The following RAPGEF3 variants were observed in gnomAD, a reference collection of about 807,000 sequenced individuals.
The protein encoded by RAPGEF3 is Rap guanine nucleotide exchange factor 3, also known as 9330170P05Rik.
A neutral mutation model predicts 129.8 loss-of-function variants in RAPGEF3; 103 were observed. The observed-to-expected ratio is 0.79, with a 90% CI of 0.68 to 0.93. RAPGEF3 has a LOEUF of 0.93. Among genes scored for constraint, RAPGEF3 ranks in the 40% least tolerant of loss-of-function variants. The pLI is 0.00. For missense variants in RAPGEF3, 1,117 were observed against 1,207.4 expected, an observed-to-expected ratio of 0.93 and a Z score of 1.11; for synonymous variants, 436 against 482.6, an observed-to-expected ratio of 0.90 and a Z score of 1.26.
In RAPGEF3 at chr12:47,740,329, GA is replaced by G; in HGVS notation, c.2297del (p.Ile766ThrfsTer4). The stretch of plus-strand genomic sequence containing the variant: ...CCTCCCAGGTGTGGGCTAGGCGGCT[GA>G]TGGCCGAGTTGCTGAGGCCAAACAT... ...AVMFGLSNSA[I>X]SRLAHTWERL... is the part of the protein sequence containing the mutation. On this transcript the variant is annotated frameshift_variant, in exon 22 of 28. Transcript: ENST00000449771. LOFTEE classifies it high-confidence loss of function. 6.2e-7 allele frequency: 1 copy of G among 1,614,148 alleles called. No homozygotes were observed. Among genetic ancestry groups the G allele is most frequent in the South Asian group, 1.1e-5 (1 of 91,082 alleles).
rs868510642 is a variant in RAPGEF3 at position 47,748,843 on chromosome 12, C to T, written c.1130G>A (p.Arg377Gln). 3.1e-6 allele frequency: 5 copies of T among 1,613,676 alleles called. No individual in the cohort carries two copies. Among genetic ancestry groups the T allele is most frequent in the African/African-American group, 1.3e-5 (1 of 75,010 alleles). ...ERASQGAGPS[R>Q]PPTPGRNRYT... Reference sequence around the variant, plus strand: ...CCGGTTCCTGCCTGGGGTTGGGGGTCGGGAAGGGCCGGCGCCCTGAGAGGC... The same window carrying T: ...CCGGTTCCTGCCTGGGGTTGGGGGTTGGGAAGGGCCGGCGCCCTGAGAGGC... The change falls in exon 11 of 28, where the codon CGA becomes CAA. Residue 377 changes from arginine to glutamine, a missense_variant. Physicochemically the swap from Arg to Gln is conservative, Grantham distance 43 (BLOSUM62 1). Around this residue, in one of 3 missense-constraint regions of RAPGEF3, gnomAD observed 107 missense variants for 160.7 expected, o/e 0.67. Coordinates refer to ENST00000449771, the MANE Select transcript of RAPGEF3 (RefSeq NM_001098531.4).
chr12:47,747,692 T>G lies in RAPGEF3; in HGVS notation c.1473+20A>C. 1 of 1,611,364 alleles carries G rather than the reference T, an allele frequency of 6.2e-7. No homozygotes were observed. Among genetic ancestry groups the G allele is most frequent in the Non-Finnish European group, 8.5e-7 (1 of 1,178,562 alleles). ...TCCACCCCGGGCAGCCCAGCCCCGC[T>G]GTGCCTCACTCCCAGGTACCTGGAG... On this transcript the variant is annotated intron_variant, in intron 14 of 27. Coordinates refer to ENST00000449771, the MANE Select transcript of RAPGEF3 (RefSeq NM_001098531.4).
intron 1 of RAPGEF3, 30 bp from the exon 2 acceptor site, chr12:47,758,108 A>G (rs1273868170): frequency 6.5e-7 from 1 of 1,544,728 alleles, no homozygotes; most frequent in Non-Finnish European, 8.7e-7. Flanking sequence ...GTGGACAGCC[A>G]TGGGACACGA....
Position 47,758,004 on chromosome 12 carries a change from C to G in RAPGEF3, c.81G>C (p.Arg27=). 1 of 1,574,170 alleles carries G rather than the reference C, an allele frequency of 6.4e-7. No individual in the cohort carries two copies. Among genetic ancestry groups the G allele is most frequent in the Non-Finnish European group, 8.6e-7 (1 of 1,159,558 alleles). ...GCACCACGTCAGGGAGGGCTCCCACCCGCGGTGCTCCCAGAGCTGGGCTAT... is the reference window on the plus strand; with the variant it reads ...GCACCACGTCAGGGAGGGCTCCCACGCGCGGTGCTCCCAGAGCTGGGCTAT... ...VEDSPALGAP[R]VGALPDVVPE... The change falls in exon 2 of 28, where the codon CGG becomes CGC. Residue 27 remains arginine, a synonymous_variant. Transcript: ENST00000449771.
intron 23 of RAPGEF3, 51 bp downstream of exon 23, chr12:47,740,090 C>T (rs1396560933): frequency 7.0e-6 from 11 of 1,578,506 alleles, no homozygotes; most frequent in African/African-American, 2.7e-5. Flanking sequence ...AGGGCAGGGC[C>T]GAGCCCAGCT....
chr12:47,754,832 A>G (rs1291282217), intron 2 of RAPGEF3, among the ~76,000 whole-genome samples: 1 of 152,072 alleles, frequency 6.6e-6, no homozygotes, highest in East Asian at 1.9e-4. Flanking sequence ...CTCCTCACCC[A>G]CTCCCCACTC....
At position 47,747,763 on chromosome 12, in the gene RAPGEF3, G is replaced by A; in HGVS notation, c.1422C>T (p.Ala474=). 1.2e-6 allele frequency: 2 copies of A among 1,609,134 alleles called. No homozygotes were observed. The highest frequency in any genetic ancestry group is 1.1e-5 in the South Asian group (1 of 91,090). ...QILRLVSQWV[A]LYGSMLHTDP... ...CAGTGTGGAGCATGGAGCCATACAG[G>A]GCCACCCACTGGCTGACCAGCCGCA... is the stretch of plus-strand genomic sequence containing the variant. Residue 474 remains alanine (A), a synonymous_variant, in exon 14 of 28, where the codon GCC becomes GCT. Coordinates refer to ENST00000449771, the MANE Select transcript of RAPGEF3 (RefSeq NM_001098531.4).
intron 4 of RAPGEF3, 59 bp from the exon 5 acceptor site, chr12:47,751,579 C>G (rs763305617): frequency 7.9e-5 from 127 of 1,609,778 alleles, no homozygotes; most frequent in Middle Eastern, 3.3e-4. Context: ...GAGGGAGGAA[C>G]TATGCATTAG....
At chr12:47,741,140 G>A in intron 19 of RAPGEF3, 100 bp from the exon 20 acceptor site, 1 of 1,414,732 alleles carries the variant, frequency 7.1e-7, no homozygotes, top group East Asian at 2.4e-5. Flanking sequence ...CTCGTGTTAG[G>A]AGGAGGGTTA....
intron 12 of RAPGEF3, 140 bp from the exon 13 acceptor site, chr12:47,748,292 C>T: frequency 1.0e-6 from 1 of 957,106 alleles, no homozygotes; most frequent in Non-Finnish European, 1.6e-6. Flanking sequence ...TGTGATAGTG[C>T]TCCCCACTAA....
At chr12:47,742,679 C>A (rs1045337634) in intron 18 of RAPGEF3, among the ~76,000 whole-genome samples, 8 of 152,176 alleles carry the variant, frequency 5.3e-5, no homozygotes, top group African/African-American at 1.9e-4. Context: ...CACATTAGCT[C>A]ACTTAGCCAT....
At chr12:47,740,577 G>T (rs10875688) in intron 21 of RAPGEF3, 65 bp downstream of exon 21, 451,306 of 1,569,700 alleles carry the variant, frequency 0.29, 67,050 homozygotes, top group South Asian at 0.32. Context: ...AAGCAAAGAG[G>T]GGGGCTTAGG....
At chr12:47,746,492 C>A in intron 16 of RAPGEF3, 1 of 588,394 alleles carries the variant, frequency 1.7e-6, no homozygotes, top group South Asian at 2.1e-5. Flanking sequence ...GGGGCCTCGC[C>A]TTCCTCTGAG....
chr12:47,744,072 G>A lies in RAPGEF3; in HGVS notation c.1597-4C>T, dbSNP rs950712606. On this transcript the variant is annotated splice_region_variant and splice_polypyrimidine_tract_variant and intron_variant, in intron 16 of 27. Transcript: ENST00000449771. ...GCCAAACAGGCAAGTTCCGGGCCTG[G>A]GAGGAAGAGGAACGAGAAAATAAGG... The A allele has an allele frequency of 6.3e-7, 1 of 1,587,522 alleles. No homozygotes were observed. Among genetic ancestry groups the A allele is most frequent in the Admixed American group, 1.7e-5 (1 of 59,808 alleles).
rs138593980 is a variant in RAPGEF3, at chr12:47,750,543, T to C, written c.672-118A>G. 1.7e-4 allele frequency: 141 copies of C among 851,270 alleles called. No individual in the cohort carries two copies. In the African/African-American group the frequency reaches 1.9e-3, roughly 11 times the overall value. The allele number at this position is 851,270 out of a possible 1,614,324, so 52.7% of individuals were successfully genotyped here. A position where few individuals can be genotyped will look rare whatever the true frequency, so the allele number is the denominator to read the frequency against. ...GACGGTGCCTCAGCAGTGACAGTTA[T>C]CAGCAGCAGCTAACCTTTACTGAGT... On this transcript the variant is annotated intron_variant, in intron 6 of 27. Coordinates refer to ENST00000449771, the MANE Select transcript of RAPGEF3 (RefSeq NM_001098531.4).
intron 23 of RAPGEF3, 104 bp from the exon 24 acceptor site, chr12:47,739,334 G>A (rs1204769812): frequency 2.2e-6 from 2 of 898,134 alleles, no homozygotes; most frequent in Admixed American, 4.0e-5. Flanking sequence ...CAGGTGCAGA[G>A]GCCCCAACTC....
In RAPGEF3 at chr12:47,743,968, G is replaced by A; in HGVS notation, c.1678+19C>T. The A allele has an allele frequency of 6.4e-7, 1 of 1,567,196 alleles. No homozygotes were observed. Among genetic ancestry groups the A allele is most frequent in the Non-Finnish European group, 8.8e-7 (1 of 1,138,100 alleles). ...GGGTGCAGATGTCGGGCTGTGCCCAGCCGGCACAGACCACCAACCTTTATC... is the reference window on the plus strand; with the variant it reads ...GGGTGCAGATGTCGGGCTGTGCCCAACCGGCACAGACCACCAACCTTTATC... On this transcript the variant is annotated intron_variant, in intron 17 of 27. Transcript: ENST00000449771.
rs577926080 is a variant in RAPGEF3, at chr12:47,748,810, G to A, written c.1154+9C>T. 6.4e-7 allele frequency: 1 copy of A among 1,563,766 alleles called. No homozygotes were observed. The highest frequency in any genetic ancestry group is 1.7e-5 in the Admixed American group (1 of 59,960). ...ACAGTGTGGAGAGGGAGCATGGCAG[G>A]TGTATTACCGGTTCCTGCCTGGGGT... is the stretch of plus-strand genomic sequence containing the variant. On this transcript the variant is annotated intron_variant, in intron 11 of 27. Coordinates refer to ENST00000449771, the MANE Select transcript of RAPGEF3 (RefSeq NM_001098531.4).
In RAPGEF3 at chr12:47,740,127, G is replaced by T. The variant is rs769391683; in HGVS notation, c.2373+14C>A. The T allele has an allele frequency of 1.2e-6, 2 of 1,611,220 alleles. No individual in the cohort carries two copies. Among genetic ancestry groups the T allele is most frequent in the Non-Finnish European group, 1.7e-6 (2 of 1,178,988 alleles). ...ATCCTAGCAGAGCCAGGCCGGGCAG[G>T]GTGGAGCACTCACCAGCAGCCTCTC... is the stretch of plus-strand genomic sequence containing the variant. On this transcript the variant is annotated intron_variant, in intron 23 of 27. Coordinates refer to ENST00000449771, the MANE Select transcript of RAPGEF3 (RefSeq NM_001098531.4).
Sources: allele counts gnomAD v4.1 joint callset (sites outside exome capture counted in the v4.1 genomes callset), GRCh38; gene constraint gnomAD v4.1.1; regional missense constraint gnomAD v4.1.1; transcripts MANE v1.5; gene names NCBI Gene and HGNC (gene_info 2026-07-23, HGNC 2026-07-21).